Variants in NUMB observed in about 807,000 individuals in gnomAD.
NUMB encodes protein numb homolog.
Under a neutral mutation model 59.7 loss-of-function variants are expected in NUMB, and 29 were observed. That is an observed-to-expected ratio of 0.49 (90% CI 0.36 to 0.66). The LOEUF is 0.66. Ranked by LOEUF, NUMB falls within the 30% of genes least tolerant of loss-of-function variation. The pLI is 0.00. For synonymous variants in NUMB, 288 were observed against 288.2 expected, an observed-to-expected ratio of 1.00 and a Z score of 0.01; for missense variants, 723 against 822.0, an observed-to-expected ratio of 0.88 and a Z score of 1.47.
chr14:73,432,158 T>C (rs894465898), intron 1 of NUMB, among the ~76,000 whole-genome samples: 2 of 152,142 alleles, frequency 1.3e-5, no homozygotes, highest in Non-Finnish European at 2.9e-5. Context: ...AGCAGTACGA[T>C]AGTACTATAT....
intron 6 of NUMB, among the ~76,000 whole-genome samples, chr14:73,306,453 ACCAACCC>A (rs1890432291): frequency 6.6e-6 from 1 of 152,210 alleles, no homozygotes. Flanking sequence ...GAGTGATTCC[ACCAACCC>A]CTTGGTCATC....
intron 1 of NUMB, among the ~76,000 whole-genome samples, chr14:73,431,896 G>T (rs1451485088): frequency 2.0e-5 from 3 of 151,910 alleles, no homozygotes; most frequent in African/African-American, 7.2e-5. Context: ...GAAATAAGGG[G>T]AAGGGGCAGA....
rs552124894 is a variant in NUMB at position 73,412,308 on chromosome 14, C to T, written c.-232-2240G>A. 2.6e-5 allele frequency among the ~76,000 whole-genome samples: 4 copies of T among 152,142 alleles called. No individual in the cohort carries two copies. In the South Asian group the frequency reaches 8.3e-4, roughly 32 times the overall value. On this transcript the variant is annotated intron_variant, in intron 1 of 12. Transcript: ENST00000555238. ...ATCCCATTTAATCCTCAATAACTCT[C>T]ATGAAATTGACTATTTTTTAAAGAG...
At chr14:73,287,430 G>A in intron 8 of NUMB, 116 bp from the exon 9 acceptor site, 1 of 889,082 alleles carries the variant, frequency 1.1e-6, no homozygotes, top group African/African-American at 1.7e-5. Context: ...CCAGGCTGGA[G>A]TGCAGTGGCG....
intron 5 of NUMB, 143 bp from the exon 6 acceptor site, chr14:73,316,565 A>T (rs776902662): frequency 9.4e-5 from 65 of 692,102 alleles, no homozygotes; most frequent in Non-Finnish European, 1.5e-4. Flanking sequence ...AGTTATCCAC[A>T]CCAGGAGTGA....
chr14:73,423,723 T>C (rs892894157), intron 1 of NUMB, among the ~76,000 whole-genome samples: 6 of 151,590 alleles, frequency 4.0e-5, no homozygotes, highest in Non-Finnish European at 8.8e-5. Flanking sequence ...GGCAGGAGAA[T>C]GGCTTGAATC....
At chr14:73,378,767 G>A (rs1184681723) in intron 2 of NUMB, among the ~76,000 whole-genome samples, 2 of 152,168 alleles carry the variant, frequency 1.3e-5, no homozygotes, top group South Asian at 2.1e-4. Context: ...AAGATAAACA[G>A]GCAGAGCACA....
At chr14:73,375,551 G>C (rs187131640) in intron 2 of NUMB, among the ~76,000 whole-genome samples, 1 of 152,206 alleles carries the variant, frequency 6.6e-6, no homozygotes, top group African/African-American at 2.4e-5. Flanking sequence ...AAAAAAATGA[G>C]ACTTCAATTC....
chr14:73,402,714 A>C (rs1184854423), intron 2 of NUMB, among the ~76,000 whole-genome samples: 1 of 152,254 alleles, frequency 6.6e-6, no homozygotes, highest in Admixed American at 6.5e-5. Flanking sequence ...TCCATTTTAC[A>C]GATGAGGAAA....
chr14:73,407,937 A>C (rs574080807), intron 2 of NUMB, among the ~76,000 whole-genome samples: 1 of 152,310 alleles, frequency 6.6e-6, no homozygotes, highest in South Asian at 2.1e-4. Flanking sequence ...CATCCCACTG[A>C]AAAAACTTGG....
At chr14:73,353,857 G>C (rs1351401517) in intron 4 of NUMB, among the ~76,000 whole-genome samples, 1 of 151,892 alleles carries the variant, frequency 6.6e-6, no homozygotes, top group Non-Finnish European at 1.5e-5. Context: ...CCAACTGTAT[G>C]GTGGGGGAGA....
intron 2 of NUMB, among the ~76,000 whole-genome samples, chr14:73,390,638 CTTTTTTTTTTTTTTTTTT>C (rs55831976): frequency 4.1e-4 from 16 of 39,410 alleles, no homozygotes; most frequent in African/African-American, 1.1e-3. Flanking sequence ...AAAACAAAGT[CTTTTTTTTTTTTTTTTTT>C]TTTTTTTTTT....
chr14:73,276,409 T>C lies in NUMB; in HGVS notation c.*169A>G, dbSNP rs1888156011. 5.2e-6 allele frequency: 3 copies of C among 577,002 alleles called. No homozygotes were observed. The highest frequency in any genetic ancestry group is 3.2e-5 in the Admixed American group (1 of 31,594). 35.7% of individuals were successfully genotyped at this position (577,002 alleles called of 1,614,324 possible). A position where few individuals can be genotyped will look rare whatever the true frequency, so the allele number is the denominator to read the frequency against. On this transcript the variant is annotated 3_prime_UTR_variant, in exon 13 of 13. Coordinates refer to ENST00000555238, the MANE Select transcript of NUMB (RefSeq NM_001005743.2). ...TTTTCTCTAGGAATGCTTTTTCCCA[T>C]GTCTTTCAAAATCACCCCTCACAGT...
chr14:73,421,326 A>G (rs1475996695), intron 1 of NUMB, among the ~76,000 whole-genome samples: 5 of 151,988 alleles, frequency 3.3e-5, no homozygotes, highest in Non-Finnish European at 7.4e-5. Flanking sequence ...CTGGGATTAC[A>G]GGCATGCACC....
Position 73,277,191 on chromosome 14 carries a change from G to GA in NUMB, c.1342dup (p.Ser448PhefsTer2). On this transcript the variant is annotated frameshift_variant, in exon 13 of 13. Coordinates refer to ENST00000555238, the MANE Select transcript of NUMB (RefSeq NM_001005743.2). LOFTEE classifies it high-confidence loss of function. ...GGGCTGCTGAGCCCGGACGCTCTTA[G>GA]ACACCTCTTCTAACCATCGGTCGGC... is the stretch of plus-strand genomic sequence containing the variant. The GA allele has an allele frequency of 6.2e-7, 1 of 1,614,084 alleles. No individual in the cohort carries two copies. Among genetic ancestry groups the GA allele is most frequent in the Non-Finnish European group, 8.5e-7 (1 of 1,180,032 alleles).
chr14:73,320,337 CAAAGTTTA>C (rs985552067), intron 5 of NUMB, among the ~76,000 whole-genome samples: 1 of 152,140 alleles, frequency 6.6e-6, no homozygotes, highest in African/African-American at 2.4e-5. Flanking sequence ...AATTTCCCCT[CAAAGTTTA>C]AAAGTTTAAG....
rs1413496955 is a variant in NUMB, at chr14:73,300,285, A to T, written c.235-3000T>A. 2.6e-5 allele frequency among the ~76,000 whole-genome samples: 4 copies of T among 152,182 alleles called. No individual in the cohort carries two copies. The East Asian group carries it at 7.7e-4, about 29-fold the overall frequency. ...GTTTTAGACAGGAGGAGAGATGTCC[A>T]TTCCTATGAAATGGAGGGATAAAGT... is the stretch of plus-strand genomic sequence containing the variant. On this transcript the variant is annotated intron_variant, in intron 6 of 12. Coordinates refer to ENST00000555238, the MANE Select transcript of NUMB (RefSeq NM_001005743.2).
rs1311234268 is a variant in NUMB at position 73,411,940 on chromosome 14, T to C, written c.-232-1872A>G. The stretch of plus-strand genomic sequence containing the variant: ...TTAACTTTTTTTTTTTTTTTTTTTT[T>C]TTGAGACAGGGTCTTGATTTATTAC... On this transcript the variant is annotated intron_variant, in intron 1 of 12. Coordinates refer to ENST00000555238, the MANE Select transcript of NUMB (RefSeq NM_001005743.2). 2.0e-5 allele frequency among the ~76,000 whole-genome samples: 3 copies of C among 149,550 alleles called. No homozygotes were observed. The East Asian group carries it at 5.8e-4, about 29-fold the overall frequency.
chr14:73,328,427 G>GCCAAACTATT (rs1285152062), intron 4 of NUMB, among the ~76,000 whole-genome samples: 1 of 152,076 alleles, frequency 6.6e-6, no homozygotes, highest in African/African-American at 2.4e-5. Context: ...AATAAATAAA[G>GCCAAACTATT]CCATACTATT....
Sources: gnomAD v4.1 joint callset for allele counts (sites outside exome capture counted in the v4.1 genomes callset) on GRCh38, gnomAD v4.1.1 for gene constraint, MANE v1.5 for transcripts, NCBI Gene and HGNC (gene_info 2026-07-23, HGNC 2026-07-21) for gene names.